The following SGK1 variants were observed in gnomAD, a reference collection of about 807,000 sequenced individuals.
SGK1 encodes the protein serum/glucocorticoid regulated kinase 1, also known as serine/threonine-protein kinase Sgk1.
Under a neutral mutation model 64.2 loss-of-function variants are expected in SGK1, and 26 were observed. The ratio of observed to expected loss-of-function variants is 0.40; its 90% CI spans 0.30 to 0.56. The LOEUF (loss-of-function observed/expected upper bound fraction) is 0.56. SGK1 is among the 20% of genes least tolerant of loss of function. SGK1 has a pLI of 0.38. For synonymous variants in SGK1, 265 were observed against 239.7 expected, an observed-to-expected ratio of 1.11 and a Z score of -0.98; for missense variants, 519 against 645.6, an observed-to-expected ratio of 0.80 and a Z score of 2.12.
rs537936536 is a variant in SGK1 at position 134,169,266 on chromosome 6, G to A, written c.*1002C>T. 2.6e-5 allele frequency: 4 copies of A among 152,586 alleles called. No homozygotes were observed. The highest frequency in any genetic ancestry group is 6.5e-5 in the Admixed American group (1 of 15,286). The allele number at this position is 152,586 out of a possible 1,614,324, so 9.5% of individuals were successfully genotyped here. A position where few individuals can be genotyped will look rare whatever the true frequency, so the allele number is the denominator to read the frequency against. ...CACAATATATGTAAATATTTTTCAA[G>A]GTTTTATTGCAAACCAAAATCAGTT... is the stretch of plus-strand genomic sequence containing the variant. On this transcript the variant is annotated 3_prime_UTR_variant, in exon 14 of 14. Coordinates refer to ENST00000367858, the MANE Select transcript of SGK1 (RefSeq NM_001143676.3).
intron 2 of SGK1, among the ~76,000 whole-genome samples, chr6:134,248,439 C>T (rs1776557346): frequency 6.7e-6 from 1 of 148,544 alleles, no homozygotes; most frequent in Admixed American, 6.8e-5. Flanking sequence ...ACCTGCTCTC[C>T]TCCGCCTTTT....
intron 1 of SGK1, among the ~76,000 whole-genome samples, chr6:134,266,889 C>T (rs1342513137): frequency 1.3e-5 from 2 of 152,118 alleles, no homozygotes; most frequent in Non-Finnish European, 2.9e-5. Flanking sequence ...TATTCTTATT[C>T]AGATAGTTTT....
chr6:134,194,416 G>A (rs1191205102), intron 3 of SGK1, among the ~76,000 whole-genome samples: 1 of 152,042 alleles, frequency 6.6e-6, no homozygotes, highest in African/African-American at 2.4e-5. Flanking sequence ...CCACCTATTT[G>A]CCCAGTGGAA....
intron 1 of SGK1, among the ~76,000 whole-genome samples, chr6:134,312,519 G>A (rs1777622625): frequency 6.6e-6 from 1 of 152,140 alleles, no homozygotes; most frequent in Admixed American, 6.5e-5. Context: ...ATTAGAGAAA[G>A]GAGGAGGCCA....
At chr6:134,211,122 C>CAA (rs58915130) in intron 2 of SGK1, among the ~76,000 whole-genome samples, 1 of 115,582 alleles carries the variant, frequency 8.7e-6, no homozygotes, top group Non-Finnish European at 1.9e-5. Context: ...GACTCTGTCT[C>CAA]AAAAAAAAAA....
At chr6:134,232,425 A>AAGAGAGAG (rs71003683) in intron 2 of SGK1, among the ~76,000 whole-genome samples, 8 of 41,976 alleles carry the variant, frequency 1.9e-4, no homozygotes, top group South Asian at 1.1e-3. Flanking sequence ...GAAAGAAAGA[A>AAGAGAGAG]AGAAAGAAAG....
At chr6:134,263,923 A>T (rs1776806163) in intron 1 of SGK1, among the ~76,000 whole-genome samples, 1 of 152,078 alleles carries the variant, frequency 6.6e-6, no homozygotes, top group South Asian at 2.1e-4. Context: ...AAGTAAATGA[A>T]GAATAAAAAA....
rs145270539 is a variant in SGK1, at chr6:134,191,514, AC to A, written c.361+15841del. On this transcript the variant is annotated intron_variant, in intron 3 of 13. Transcript: ENST00000367858. ...TCTTCTACACATTCTCAAGGCGGGTACTACAGTGGTGCTAAGGACATACCTA... is the reference window on the plus strand; with the variant it reads ...TCTTCTACACATTCTCAAGGCGGGTATACAGTGGTGCTAAGGACATACCTA... 4.1e-3 allele frequency among the ~76,000 whole-genome samples: 630 copies of A among 152,300 alleles called. 2 individuals are homozygous for A. Among genetic ancestry groups the A allele is most frequent in the African/African-American group, 0.014 (582 of 41,568 alleles).
At chr6:134,209,797 C>T (rs575250723) in intron 2 of SGK1, among the ~76,000 whole-genome samples, 2 of 152,296 alleles carry the variant, frequency 1.3e-5, no homozygotes, top group South Asian at 4.1e-4. Flanking sequence ...CTGCTTCAGC[C>T]TCAATAGTAG....
chr6:134,291,786 C>A (rs1194112341), intron 1 of SGK1, among the ~76,000 whole-genome samples: 1 of 152,178 alleles, frequency 6.6e-6, no homozygotes, highest in Non-Finnish European at 1.5e-5. Flanking sequence ...TGTGGCCAGG[C>A]ACGATGGGTC....
chr6:134,308,634 G>A (rs556584236), intron 1 of SGK1, among the ~76,000 whole-genome samples: 2 of 152,164 alleles, frequency 1.3e-5, no homozygotes, highest in Admixed American at 6.5e-5. Flanking sequence ...TCAGCTCACT[G>A]CAACCTCCAC....
chr6:134,273,080 T>C (rs1197470108), intron 1 of SGK1, among the ~76,000 whole-genome samples: 1 of 148,200 alleles, frequency 6.7e-6, no homozygotes, highest in African/African-American at 2.4e-5. Flanking sequence ...GTTTCTGCCC[T>C]TGTAAAATGG....
intron 2 of SGK1, chr6:134,261,639 T>TA: frequency 1.7e-6 from 1 of 581,372 alleles, no homozygotes; most frequent in South Asian, 2.3e-5. Flanking sequence ...AAAACTCTGC[T>TA]AGGGAATGTT....
chr6:134,247,475 T>C lies in SGK1; in HGVS notation c.285+14458A>G, dbSNP rs548900983. 2.6e-5 allele frequency among the ~76,000 whole-genome samples: 4 copies of C among 152,316 alleles called. No individual in the cohort carries two copies. In the East Asian group the frequency reaches 7.7e-4, roughly 29 times the overall value. On this transcript the variant is annotated intron_variant, in intron 2 of 13. Coordinates refer to ENST00000367858, the MANE Select transcript of SGK1 (RefSeq NM_001143676.3). ...AAAATGGCATTCACCACTTCTGAGATGCTGAACAGGAAGGAATAGCACTGT... is the reference window on the plus strand; with the variant it reads ...AAAATGGCATTCACCACTTCTGAGACGCTGAACAGGAAGGAATAGCACTGT...
intron 2 of SGK1, among the ~76,000 whole-genome samples, chr6:134,234,740 G>A (rs1776337577): frequency 6.6e-6 from 1 of 152,092 alleles, no homozygotes; most frequent in African/African-American, 2.4e-5. Flanking sequence ...GCCAGGTGTG[G>A]TGATGCATGC....
chr6:134,264,181 G>A (rs935923493), intron 1 of SGK1, among the ~76,000 whole-genome samples: 5 of 150,492 alleles, frequency 3.3e-5, no homozygotes, highest in Non-Finnish European at 7.4e-5. Flanking sequence ...GTACAGTGGC[G>A]CGATCTCAGC....
intron 1 of SGK1, among the ~76,000 whole-genome samples, chr6:134,278,050 C>T (rs995488589): frequency 1.3e-5 from 2 of 152,338 alleles, no homozygotes; most frequent in Non-Finnish European, 2.9e-5. Flanking sequence ...AAATGATGAT[C>T]TTGGAGCATC....
chr6:134,248,775 C>G lies in SGK1; in HGVS notation c.285+13158G>C, dbSNP rs114792075. ...CTGATCCAGGTAGGCTCTCCCTCATCAAGAGATTAAGAGTTCTGAAGTTAA... is the reference window on the plus strand; with the variant it reads ...CTGATCCAGGTAGGCTCTCCCTCATGAAGAGATTAAGAGTTCTGAAGTTAA... On this transcript the variant is annotated intron_variant, in intron 2 of 13. Transcript: ENST00000367858. 5.2e-3 allele frequency among the ~76,000 whole-genome samples: 789 copies of G among 152,214 alleles called. 10 individuals carry two copies. The highest frequency in any genetic ancestry group is 0.018 in the African/African-American group (753 of 41,538).
At chr6:134,291,660 A>G (rs1777266090) in intron 1 of SGK1, among the ~76,000 whole-genome samples, 1 of 152,204 alleles carries the variant, frequency 6.6e-6, no homozygotes, top group Admixed American at 6.5e-5. Flanking sequence ...TCCTCTGTCT[A>G]TATAAAGCTA....
Sources: allele counts gnomAD v4.1 joint callset (sites outside exome capture counted in the v4.1 genomes callset), GRCh38; gene constraint gnomAD v4.1.1; transcripts MANE v1.5; gene names NCBI Gene and HGNC (gene_info 2026-07-23, HGNC 2026-07-21).